SH3PXD2B: variants seen among roughly 807,000 people sequenced by gnomAD.
SH3PXD2B encodes the protein SH3 and PX domains 2B.
Under a neutral mutation model 73.1 loss-of-function variants are expected in SH3PXD2B, and 37 were observed. That is an observed-to-expected ratio of 0.51 (90% CI 0.39 to 0.67). SH3PXD2B has a LOEUF of 0.67. Ranked by LOEUF, SH3PXD2B falls within the 30% of genes least tolerant of loss-of-function variation. The probability of loss-of-function intolerance (pLI) is 0.00; values close to 1 mark genes in which losing one functional copy is unlikely to be tolerated. For missense variants in SH3PXD2B, 1,053 were observed against 1,197.8 expected (o/e 0.88, Z 1.78); for synonymous variants, 457 against 480.5 (o/e 0.95, Z 0.64).
rs1014162346 is a variant in SH3PXD2B at position 172,421,693 on chromosome 5, G to A, written c.156+723C>T. On this transcript the variant is annotated intron_variant, in intron 2 of 12. Coordinates refer to ENST00000311601, the MANE Select transcript of SH3PXD2B (RefSeq NM_001017995.3). This position sits in a 1 kb window ranked among gnomAD's most constrained non-coding sequence, Gnocchi z 4.0. ...ATGAGTGAGCCGGGAAGGCACAGGA[G>A]TGTGTGGGGAGGGCAAAGGCCTGTG... 6.6e-6 allele frequency among the ~76,000 whole-genome samples: 1 copy of A among 152,222 alleles called. No homozygotes were observed. The highest frequency in any genetic ancestry group is 1.5e-5 in the Non-Finnish European group (1 of 68,036).
chr5:172,365,912 C>T (rs898944095), intron 6 of SH3PXD2B, among the ~76,000 whole-genome samples: 10 of 152,178 alleles, frequency 6.6e-5, no homozygotes, highest in African/African-American at 9.6e-5. Context: ...ACAGCCTGCC[C>T]GAGGGCTCAA....
Position 172,353,784 on chromosome 5 carries a change from G to T in SH3PXD2B, c.785+104C>A. The T allele has an allele frequency of 1.1e-6, 1 of 885,340 alleles. No individual in the cohort carries two copies. 54.8% of individuals were successfully genotyped at this position (885,340 alleles called of 1,614,324 possible). ...GTTCAGGCGGAAACTTCGCCCAGAT[G>T]CAATCACTTACCGACCTCTGTGAGG... On this transcript the variant is annotated intron_variant, in intron 9 of 12. Transcript: ENST00000311601. The surrounding 1 kb of genome is among the most constrained non-coding windows in gnomAD (Gnocchi z 4.3).
At chr5:172,432,483 G>A (rs1222890010) in intron 1 of SH3PXD2B, among the ~76,000 whole-genome samples, 1 of 152,170 alleles carries the variant, frequency 6.6e-6, no homozygotes, top group African/African-American at 2.4e-5. Flanking sequence ...AGCTGGGAAC[G>A]TGCACGTTGG....
At chr5:172,376,027 C>CTTTTTTTTTT in intron 5 of SH3PXD2B, among the ~76,000 whole-genome samples, 1 of 145,550 alleles carries the variant, frequency 6.9e-6, no homozygotes, top group African/African-American at 2.7e-5. Flanking sequence ...TGTCATGTAT[C>CTTTTTTTTTT]TTCTTTTTTT....
chr5:172,384,807 C>T (rs1040377418), intron 4 of SH3PXD2B, among the ~76,000 whole-genome samples: 4 of 152,210 alleles, frequency 2.6e-5, no homozygotes, highest in Admixed American at 1.3e-4. Context: ...CAGGCTCTAA[C>T]TTTAAGTCCC....
chr5:172,346,845 C>T (rs1757009134), intron 11 of SH3PXD2B, among the ~76,000 whole-genome samples: 1 of 151,916 alleles, frequency 6.6e-6, no homozygotes, highest in East Asian at 1.9e-4. Context: ...AAAAAAAACC[C>T]CAAAACCCAA....
rs1756715207 is a variant in SH3PXD2B at position 172,337,029 on chromosome 5, G to A, written c.*1340C>T. The stretch of plus-strand genomic sequence containing the variant: ...TGCTATGCTCAGAGCCCTCCAGGCT[G>A]GCCCTCGAGGCCACCTCAGCTCCCG... On this transcript the variant is annotated 3_prime_UTR_variant, in exon 13 of 13. Transcript: ENST00000311601. 16 of 985,560 alleles carry A rather than the reference G, an allele frequency of 1.6e-5. No individual in the cohort carries two copies. Among genetic ancestry groups the A allele is most frequent in the Non-Finnish European group, 1.9e-5 (16 of 830,008 alleles). 61.1% of individuals were successfully genotyped at this position (985,560 alleles called of 1,614,324 possible).
chr5:172,345,465 A>G (rs2113273124), intron 12 of SH3PXD2B, among the ~76,000 whole-genome samples: 1 of 152,336 alleles, frequency 6.6e-6, no homozygotes, highest in Middle Eastern at 3.4e-3. Context: ...TACACATGAC[A>G]GAGTGAATTT....
At chr5:172,387,378 C>T (rs1446802664) in intron 4 of SH3PXD2B, among the ~76,000 whole-genome samples, 1 of 152,206 alleles carries the variant, frequency 6.6e-6, no homozygotes, top group Non-Finnish European at 1.5e-5. Flanking sequence ...AATGCCACAG[C>T]CTTTATTCAT....
chr5:172,451,749 C>T (rs770374064), intron 1 of SH3PXD2B, among the ~76,000 whole-genome samples: 1 of 152,200 alleles, frequency 6.6e-6, no homozygotes, highest in Non-Finnish European at 1.5e-5. Context: ...GCCTTCATGC[C>T]CGCTCTTTCC....
At chr5:172,329,540 C>CTTTTT (rs370876232), downstream of SH3PXD2B, among the ~76,000 whole-genome samples, 60 of 106,442 alleles carry the variant, frequency 5.6e-4, 7 homozygotes, top group African/African-American at 1.6e-3. Flanking sequence ...CTTTGTTATT[C>CTTTTT]TTTTTTTTTT....
At chr5:172,402,846 T>C (rs7725967) in intron 3 of SH3PXD2B, among the ~76,000 whole-genome samples, 55,381 of 152,228 alleles carry the variant, frequency 0.36, 10,816 homozygotes, top group East Asian at 0.66. Context: ...AGATGATTCA[T>C]GCACTCTGCA....
At chr5:172,440,130 G>T (rs1581342526) in intron 1 of SH3PXD2B, among the ~76,000 whole-genome samples, 1 of 152,224 alleles carries the variant, frequency 6.6e-6, no homozygotes, top group African/African-American at 2.4e-5. Flanking sequence ...AAACAGACCT[G>T]GGTGAAAGAT....
Position 172,445,908 on chromosome 5 carries a change from G to C in SH3PXD2B, c.75+8370C>G, listed in dbSNP as rs1759648194. On this transcript the variant is annotated intron_variant, in intron 1 of 12. Transcript: ENST00000311601. The surrounding 1 kb of genome is among the most constrained non-coding windows in gnomAD (Gnocchi z 5.2). ...CTGCAGTTTGGAGAATGGGGCAGAG[G>C]CCGATGGCTTGTGGCGGAGCTCAGG... Among the ~76,000 whole-genome samples the C allele has an allele frequency of 6.6e-6, 1 of 152,252 alleles. No homozygotes were observed. The highest frequency in any genetic ancestry group is 2.1e-4 in the South Asian group (1 of 4,834).
chr5:172,335,331 C>G lies in SH3PXD2B; in HGVS notation c.*3038G>C. ...AGCAAGGGGCGGGGGGAAGAGGCAC[C>G]GAAATTCAGAGGGAGGGTCACTTGA... On this transcript the variant is annotated 3_prime_UTR_variant, in exon 13 of 13. Transcript: ENST00000311601. 8.4e-7 allele frequency: 1 copy of G among 1,195,246 alleles called. No homozygotes were observed. Among genetic ancestry groups the G allele is most frequent in the Non-Finnish European group, 1.0e-6 (1 of 965,498 alleles). 74.0% of individuals were successfully genotyped at this position (1,195,246 alleles called of 1,614,324 possible).
In SH3PXD2B at chr5:172,337,954, A is replaced by T. The variant is rs1221131618; in HGVS notation, c.*415T>A. ...TGAAGAAGTTGGAGCAAAAGTCATCATGGACTGGGTTGGCTGCCCCTTACT... is the reference window on the plus strand; with the variant it reads ...TGAAGAAGTTGGAGCAAAAGTCATCTTGGACTGGGTTGGCTGCCCCTTACT... On this transcript the variant is annotated 3_prime_UTR_variant, in exon 13 of 13. Transcript: ENST00000311601. 9.4e-7 allele frequency: 1 copy of T among 1,064,928 alleles called. No homozygotes were observed. Among genetic ancestry groups the T allele is most frequent in the East Asian group, 7.5e-5 (1 of 13,262 alleles). The allele number at this position is 1,064,928 out of a possible 1,614,324, so 66.0% of individuals were successfully genotyped here. A position where few individuals can be genotyped will look rare whatever the true frequency, so the allele number is the denominator to read the frequency against.
At chr5:172,392,043 AT>A (rs762486336) in intron 4 of SH3PXD2B, among the ~76,000 whole-genome samples, 374 of 139,504 alleles carry the variant, frequency 2.7e-3, no homozygotes, top group Middle Eastern at 7.6e-3. Flanking sequence ...GTCTAACTTC[AT>A]TTTTTTTTTT....
At position 172,413,740 on chromosome 5, in the gene SH3PXD2B, C is replaced by T. The variant is rs183572893; in HGVS notation, c.157-7388G>A. Among the ~76,000 whole-genome samples, 502 of 152,300 alleles carry T rather than the reference C, an allele frequency of 3.3e-3. 5 individuals are homozygous for T. The highest frequency in any genetic ancestry group is 5.8e-3 in the Non-Finnish European group (397 of 68,030). On this transcript the variant is annotated intron_variant, in intron 2 of 12. Coordinates refer to ENST00000311601, the MANE Select transcript of SH3PXD2B (RefSeq NM_001017995.3). ...CTAACTGTGTGGAAAAAGGCAACTA[C>T]GGTATTTTCCCAGTGACACACCTTC...
At chr5:172,410,383 A>G (rs1040402825) in intron 2 of SH3PXD2B, among the ~76,000 whole-genome samples, 2 of 152,140 alleles carry the variant, frequency 1.3e-5, no homozygotes, top group African/African-American at 4.8e-5. Flanking sequence ...TGCTTGGTCC[A>G]CTGTCATTCA....
Sources: gnomAD v4.1 joint callset for allele counts (sites outside exome capture counted in the v4.1 genomes callset) on GRCh38, gnomAD v4.1.1 for gene constraint, Gnocchi (gnomAD v3.1) non-coding constraint, MANE v1.5 for transcripts, NCBI Gene and HGNC (gene_info 2026-07-23, HGNC 2026-07-21) for gene names.